Variants in KMT2C observed in about 807,000 individuals in gnomAD.
KMT2C encodes lysine methyltransferase 2C, also known as histone-lysine N-methyltransferase 2C.
KMT2C carries 88 observed loss-of-function variants against 507.9 expected under a neutral mutation model. The observed-to-expected ratio is 0.17, with a 90% CI of 0.15 to 0.21. The LOEUF (loss-of-function observed/expected upper bound fraction) is 0.21. Ranked by LOEUF, KMT2C falls within the 10% of genes least tolerant of loss-of-function variation. The pLI is 1.00. For synonymous variants in KMT2C, 2,049 were observed against 2,080.8 expected, an observed-to-expected ratio of 0.98 and a Z score of 0.42; for missense variants, 4,954 against 5,957.8, an observed-to-expected ratio of 0.83 and a Z score of 5.55.
chr7:152,277,195 C>T (rs1269580526), intron 6 of KMT2C, among the ~76,000 whole-genome samples: 2 of 152,178 alleles, frequency 1.3e-5, no homozygotes, highest in African/African-American at 2.4e-5. Context: ...TTTTAGGCTA[C>T]GTGCTCTAAT....
intron 25 of KMT2C, among the ~76,000 whole-genome samples, chr7:152,204,639 A>C (rs1350692429): frequency 6.6e-6 from 1 of 151,916 alleles, no homozygotes; most frequent in Admixed American, 6.6e-5. Context: ...AGATAGATAG[A>C]CAGACAGATA....
intron 7 of KMT2C, among the ~76,000 whole-genome samples, chr7:152,268,061 C>T (rs895407616): frequency 1.6e-4 from 25 of 152,334 alleles, no homozygotes; most frequent in Non-Finnish European, 3.1e-4. Flanking sequence ...AGATGGATCA[C>T]TTGAGGTCAG....
Position 152,162,438 on chromosome 7 carries a change from G to C in KMT2C, c.11139C>G (p.Ala3713=). Residue 3713 remains alanine, a synonymous_variant, in exon 43 of 59, where the codon GCC becomes GCG. Transcript: ENST00000262189. ...EVDKLSMETP[A]KTEEIKLEKA... ...TTTCCAGTTTTATCTCTTCTGTTTTGGCAGGGGTTTCCATGGAGAGCTTGT... is the reference window on the plus strand; with the variant it reads ...TTTCCAGTTTTATCTCTTCTGTTTTCGCAGGGGTTTCCATGGAGAGCTTGT... The C allele has an allele frequency of 6.2e-7, 1 of 1,614,188 alleles. No individual in the cohort carries two copies. The highest frequency in any genetic ancestry group is 1.1e-5 in the South Asian group (1 of 91,084).
At chr7:152,275,889 C>G (rs80052723) in intron 6 of KMT2C, among the ~76,000 whole-genome samples, 1 of 152,052 alleles carries the variant, frequency 6.6e-6, no homozygotes, top group African/African-American at 2.4e-5. Flanking sequence ...TTGCAGAAGC[C>G]TTTTACACTA....
At chr7:152,362,630 TTTTTAAC>T (rs1427431339) in intron 1 of KMT2C, among the ~76,000 whole-genome samples, 2 of 152,230 alleles carry the variant, frequency 1.3e-5, no homozygotes, top group African/African-American at 4.8e-5. Flanking sequence ...TTTAGCTGAC[TTTTTAAC>T]TTAATCTCTC....
At position 152,183,164 on chromosome 7, in the gene KMT2C, A is replaced by C; in HGVS notation, c.5083-8T>G. On this transcript the variant is annotated splice_polypyrimidine_tract_variant and splice_region_variant and intron_variant, in intron 34 of 58. Coordinates refer to ENST00000262189, the MANE Select transcript of KMT2C (RefSeq NM_170606.3). ...GTTATCTCTGGCTTTTTGCTTTGAC[A>C]AAAGAAGAGAAAAAAATTTCCCAGA... The C allele has an allele frequency of 6.6e-7, 1 of 1,518,328 alleles. No individual in the cohort carries two copies. The highest frequency in any genetic ancestry group is 8.8e-7 in the Non-Finnish European group (1 of 1,136,356). 94.1% of individuals were successfully genotyped at this position (1,518,328 alleles called of 1,614,324 possible).
intron 9 of KMT2C, among the ~76,000 whole-genome samples, chr7:152,260,551 G>GA (rs1163076121): frequency 6.6e-6 from 1 of 151,386 alleles, no homozygotes; most frequent in East Asian, 1.9e-4. Context: ...CTTTCAGGAA[G>GA]AAAAAAAGGA....
At position 152,154,454 on chromosome 7, in the gene KMT2C, A is replaced by C. The variant is rs758931987; in HGVS notation, c.11961-9T>G. 2 of 1,609,918 alleles carry C rather than the reference A, an allele frequency of 1.2e-6. No homozygotes were observed. The highest frequency in any genetic ancestry group is 2.7e-5 in the African/African-American group (2 of 74,896). On this transcript the variant is annotated splice_polypyrimidine_tract_variant and intron_variant, in intron 46 of 58. Transcript: ENST00000262189. ...CACAGTGATCCTGTATCCTGAAAAA[A>C]CATAAACACACACATCAAAGTCTGC...
At chr7:152,166,170 T>G (rs1403179771) in intron 42 of KMT2C, among the ~76,000 whole-genome samples, 1 of 150,734 alleles carries the variant, frequency 6.6e-6, no homozygotes, top group African/African-American at 2.5e-5. Flanking sequence ...GTCGCCAGGC[T>G]GGAGTACAGT....
chr7:152,217,591 A>G (rs1453805516), intron 23 of KMT2C, among the ~76,000 whole-genome samples: 2 of 152,200 alleles, frequency 1.3e-5, no homozygotes, highest in African/African-American at 4.8e-5. Flanking sequence ...CACACTAAAC[A>G]ATCTTTTTTC....
intron 1 of KMT2C, among the ~76,000 whole-genome samples, chr7:152,431,538 G>A (rs904274426): frequency 1.6e-4 from 24 of 151,564 alleles, no homozygotes; most frequent in Admixed American, 1.4e-3. Context: ...CCTGGGAGGC[G>A]GAAGTTGCAG....
At chr7:152,195,401 G>A (rs1176459481) in intron 28 of KMT2C, 3 of 278,520 alleles carry the variant, frequency 1.1e-5, no homozygotes, top group Non-Finnish European at 1.6e-5. Flanking sequence ...GCAAAGTATG[G>A]ATTAGTGACA....
chr7:152,365,035 C>A (rs1014360390), intron 1 of KMT2C, among the ~76,000 whole-genome samples: 1 of 151,396 alleles, frequency 6.6e-6, no homozygotes, highest in Admixed American at 6.6e-5. Flanking sequence ...ATATTAAAAG[C>A]AGCAAAAGAA....
chr7:152,263,838 A>G (rs1244987081), intron 8 of KMT2C, among the ~76,000 whole-genome samples: 1 of 152,158 alleles, frequency 6.6e-6, no homozygotes, highest in Admixed American at 6.5e-5. Context: ...ATCTCTGTTG[A>G]GATTTTTGAC....
At chr7:152,333,507 T>C (rs2096903591) in intron 2 of KMT2C, among the ~76,000 whole-genome samples, 1 of 152,190 alleles carries the variant, frequency 6.6e-6, no homozygotes, top group Non-Finnish European at 1.5e-5. Context: ...TCAACATCTC[T>C]AGCACTAACT....
intron 1 of KMT2C, among the ~76,000 whole-genome samples, chr7:152,366,439 C>T (rs186255243): frequency 3.0e-4 from 46 of 152,202 alleles, no homozygotes; most frequent in African/African-American, 9.2e-4. Context: ...ATATGCGATA[C>T]TACAACATAA....
In KMT2C at chr7:152,224,557, G is replaced by C. The variant is rs764324610; in HGVS notation, c.3036C>G (p.Ala1012=). ...TTCCTGGGTCAGTTGCCTTCCCACAGGCCTCACACACAGTGCACTCAAGAC... is the reference window on the plus strand; with the variant it reads ...TTCCTGGGTCAGTTGCCTTCCCACACGCCTCACACACAGTGCACTCAAGAC... ...WRCLECTVCE[A]CGKATDPGRL... is the part of the protein sequence containing the mutation. The change falls in exon 19 of 59, where the codon GCC becomes GCG. Residue 1012 remains alanine, a synonymous_variant. Transcript: ENST00000262189. 6.2e-7 allele frequency: 1 copy of C among 1,608,738 alleles called. No individual in the cohort carries two copies. Among genetic ancestry groups the C allele is most frequent in the East Asian group, 2.2e-5 (1 of 44,850 alleles).
chr7:152,150,863 TAC>T (rs2091553077), intron 51 of KMT2C, 35 bp downstream of exon 51: 1 of 1,367,024 alleles, frequency 7.3e-7, no homozygotes, highest in South Asian at 1.2e-5. Flanking sequence ...AGTCACTCGT[TAC>T]ACATTGTTAT....
intron 6 of KMT2C, among the ~76,000 whole-genome samples, chr7:152,290,258 G>GTATA (rs746466676): frequency 0.034 from 881 of 26,204 alleles, 27 homozygotes; most frequent in Non-Finnish European, 0.04. Context: ...GTGTGTATGT[G>GTATA]TATATATATA....
Sources: gnomAD v4.1 joint callset for allele counts (sites outside exome capture counted in the v4.1 genomes callset) on GRCh38, gnomAD v4.1.1 for gene constraint, MANE v1.5 for transcripts, NCBI Gene and HGNC (gene_info 2026-07-23, HGNC 2026-07-21) for gene names.